Variants in CAMKMT observed in about 807,000 individuals in gnomAD.
CAMKMT encodes the protein calmodulin-lysine N-methyltransferase, also known as CaM KMT.
A neutral mutation model predicts 48.0 loss-of-function variants in CAMKMT; 53 were observed. That is an observed-to-expected ratio of 1.10 (90% confidence interval 0.89 to 1.39). The LOEUF is 1.39. CAMKMT is among the 40% of genes most tolerant of loss of function. The pLI, the probability that CAMKMT is intolerant of heterozygous loss-of-function variation, is 0.00. For missense variants in CAMKMT, 428 were observed against 402.7 expected, an observed-to-expected ratio of 1.06 and a Z score of -0.54; for synonymous variants, 165 against 152.3, an observed-to-expected ratio of 1.08 and a Z score of -0.61.
intron 3 of CAMKMT, among the ~76,000 whole-genome samples, chr2:44,490,741 A>G (rs757105142): frequency 6.6e-6 from 1 of 152,190 alleles, no homozygotes. Context: ...CCAGCCTAAT[A>G]ATTCAATAAG....
In CAMKMT at chr2:44,770,498, T is replaced by G. The variant is rs115480050; in HGVS notation, c.895-1538T>G. Among the ~76,000 whole-genome samples, 166 of 152,354 alleles carry G rather than the reference T, an allele frequency of 1.1e-3. 1 individual carries two copies. The highest frequency in any genetic ancestry group is 3.8e-3 in the African/African-American group (156 of 41,584). On this transcript the variant is annotated intron_variant, in intron 10 of 10. Transcript: ENST00000378494. ...GCTCATTTGAGTCTCTGTATATTAG[T>G]GCATTGTGAGTGAGTAGGTCAGCTG... is the stretch of plus-strand genomic sequence containing the variant.
intron 3 of CAMKMT, among the ~76,000 whole-genome samples, chr2:44,469,723 G>T (rs1040838209): frequency 6.6e-6 from 1 of 151,666 alleles, no homozygotes; most frequent in Non-Finnish European, 1.5e-5. Flanking sequence ...AATGTTGTAC[G>T]CTTATCATCA....
chr2:44,542,608 C>T lies in CAMKMT; in HGVS notation c.376+152303C>T, dbSNP rs146787754. On this transcript the variant is annotated intron_variant, in intron 3 of 10. Transcript: ENST00000378494. ...TCTATACATGTGTAAAGAAACTTGGCTGGCAATTCAAGGCATTATATAGAA... is the reference window on the plus strand; with the variant it reads ...TCTATACATGTGTAAAGAAACTTGGTTGGCAATTCAAGGCATTATATAGAA... Among the ~76,000 whole-genome samples, 21 of 151,908 alleles carry T rather than the reference C, an allele frequency of 1.4e-4. No homozygotes were observed. In the East Asian group the frequency reaches 4.1e-3, roughly 29 times the overall value.
At position 44,378,014 on chromosome 2, in the gene CAMKMT, G is replaced by A. The variant is rs182623044; in HGVS notation, c.311+5126G>A. On this transcript the variant is annotated intron_variant, in intron 2 of 10. Transcript: ENST00000378494. The stretch of plus-strand genomic sequence containing the variant: ...CCTAGGTACGTATATAGAGCTTGGC[G>A]AGGCTGGCATCTAAGACAAATACGA... Among the ~76,000 whole-genome samples the A allele has an allele frequency of 2.6e-5, 4 of 152,288 alleles. No homozygotes were observed. In the East Asian group the frequency reaches 7.7e-4, roughly 29 times the overall value.
At chr2:44,635,992 A>G (rs557093857) in intron 3 of CAMKMT, among the ~76,000 whole-genome samples, 50 of 152,322 alleles carry the variant, frequency 3.3e-4, no homozygotes, top group African/African-American at 1.0e-3. Flanking sequence ...GTTTTCATAC[A>G]TAGGCCATGC....
rs192967317 is a variant in CAMKMT, at chr2:44,419,108, T to C, written c.376+28803T>C. 6.6e-5 allele frequency among the ~76,000 whole-genome samples: 10 copies of C among 152,360 alleles called. No individual in the cohort carries two copies. In the East Asian group the frequency reaches 1.9e-3, roughly 29 times the overall value. On this transcript the variant is annotated intron_variant, in intron 3 of 10. Transcript: ENST00000378494. ...AGCTAAATTATTAGAAAAAGCCCTT[T>C]TGATTTAAAGTATGTGCTATTTATG...
chr2:44,634,800 C>CAAA lies in CAMKMT; in HGVS notation c.377-69473_377-69471dup, dbSNP rs4039616. ...GGTATTCTCCAGGTTGAGGGCTAGC[C>CAAA]AAAAAAAAAAAAGCATTCTAGTCAG... On this transcript the variant is annotated intron_variant, in intron 3 of 10. Coordinates refer to ENST00000378494, the MANE Select transcript of CAMKMT (RefSeq NM_024766.5). Among the ~76,000 whole-genome samples the CAAA allele has an allele frequency of 2.7e-5, 3 of 110,174 alleles. 1 individual carries two copies. The highest frequency in any genetic ancestry group is 3.6e-5 in the African/African-American group (1 of 27,708). The allele number at this position is 110,174 out of a possible 152,430, so 72.3% of individuals were successfully genotyped here.
At chr2:44,659,075 GTTTTT>G (rs1192483405) in intron 3 of CAMKMT, among the ~76,000 whole-genome samples, 3 of 86,348 alleles carry the variant, frequency 3.5e-5, no homozygotes, top group South Asian at 4.2e-4. Context: ...TGTGTGTGTA[GTTTTT>G]TTTTTTTTTT....
chr2:44,525,616 C>T (rs1671364839), intron 3 of CAMKMT, among the ~76,000 whole-genome samples: 1 of 152,082 alleles, frequency 6.6e-6, no homozygotes, highest in Non-Finnish European at 1.5e-5. Context: ...TTAATTGTTT[C>T]TAGTTTTTTG....
intron 3 of CAMKMT, among the ~76,000 whole-genome samples, chr2:44,527,794 C>CCA (rs1553409542): frequency 7.3e-6 from 1 of 137,388 alleles, no homozygotes; most frequent in African/African-American, 2.7e-5. Context: ...AGCCCCCCCC[C>CCA]CCATTATCAA....
intron 2 of CAMKMT, among the ~76,000 whole-genome samples, chr2:44,383,206 C>T (rs530145744): frequency 6.6e-6 from 1 of 152,100 alleles, no homozygotes; most frequent in East Asian, 1.9e-4. Context: ...GCTCTGTCAC[C>T]CAGGCTGGAG....
intron 2 of CAMKMT, among the ~76,000 whole-genome samples, chr2:44,377,048 C>T (rs1219664468): frequency 2.6e-5 from 4 of 152,040 alleles, no homozygotes; most frequent in Non-Finnish European, 5.9e-5. Context: ...ACTCTGTTGC[C>T]CAGGCTGGTA....
chr2:44,465,448 A>T (rs1668061547), intron 3 of CAMKMT, among the ~76,000 whole-genome samples: 1 of 152,032 alleles, frequency 6.6e-6, no homozygotes, highest in Admixed American at 6.6e-5. Context: ...AAATACAAAA[A>T]TTAGCTGGGT....
chr2:44,740,469 C>G (rs1044566170), intron 7 of CAMKMT, among the ~76,000 whole-genome samples: 1 of 152,112 alleles, frequency 6.6e-6, no homozygotes, highest in Non-Finnish European at 1.5e-5. Flanking sequence ...GAAGCAGGGT[C>G]ATCAGCTGAA....
chr2:44,686,443 T>C (rs1676344511), intron 3 of CAMKMT, among the ~76,000 whole-genome samples: 5 of 150,758 alleles, frequency 3.3e-5, no homozygotes, highest in Admixed American at 3.3e-4. Context: ...AAACAAACCC[T>C]CGTTTAGTTC....
At chr2:44,651,671 G>A (rs1674074169) in intron 3 of CAMKMT, among the ~76,000 whole-genome samples, 1 of 152,354 alleles carries the variant, frequency 6.6e-6, no homozygotes, top group South Asian at 2.1e-4. Flanking sequence ...GTCAGCAACA[G>A]TGAGATAGTG....
chr2:44,538,354 C>T (rs182465974), intron 3 of CAMKMT, among the ~76,000 whole-genome samples: 20 of 143,302 alleles, frequency 1.4e-4, no homozygotes, highest in Admixed American at 2.9e-4. Context: ...GGCGACAGAG[C>T]GAGACGCCAT....
chr2:44,579,314 A>G (rs1294380958), intron 3 of CAMKMT, among the ~76,000 whole-genome samples: 1 of 152,188 alleles, frequency 6.6e-6, no homozygotes, highest in African/African-American at 2.4e-5. Context: ...TAATGGAAAG[A>G]TGCCAACATG....
intron 3 of CAMKMT, among the ~76,000 whole-genome samples, chr2:44,462,205 C>G (rs952897959): frequency 4.0e-5 from 6 of 151,728 alleles, no homozygotes; most frequent in African/African-American, 1.5e-4. Context: ...GTAGAAAATT[C>G]AAATAATAAA....
Sources: gnomAD v4.1 joint callset for allele counts (sites outside exome capture counted in the v4.1 genomes callset) on GRCh38, gnomAD v4.1.1 for gene constraint, MANE v1.5 for transcripts, NCBI Gene and HGNC (gene_info 2026-07-23, HGNC 2026-07-21) for gene names.